MAP3K7: variants seen among roughly 807,000 people sequenced by gnomAD.
MAP3K7 encodes the protein TGF-beta activated kinase 1.
Under a neutral mutation model 84.8 loss-of-function variants are expected in MAP3K7, and 21 were observed. That is an observed-to-expected ratio of 0.25 (90% CI 0.18 to 0.36). The LOEUF is 0.36. Ranked by LOEUF, MAP3K7 falls within the 10% of genes least tolerant of loss-of-function variation. The pLI, the probability that MAP3K7 is intolerant of heterozygous loss-of-function variation, is 1.00. For missense variants in MAP3K7, 503 were observed against 747.7 expected (o/e 0.67, Z 3.82); for synonymous variants, 241 against 247.7 (o/e 0.97, Z 0.25).
chr6:90,546,928 C>G (rs1054797783), intron 11 of MAP3K7, among the ~76,000 whole-genome samples: 7 of 151,892 alleles, frequency 4.6e-5, no homozygotes, highest in African/African-American at 1.7e-4. Flanking sequence ...CACTGAAAAT[C>G]CCCAAAATAT....
At chr6:90,556,650 C>G (rs773288577) in intron 5 of MAP3K7, 26 bp from the exon 6 acceptor site, 1 of 1,567,802 alleles carries the variant, frequency 6.4e-7, no homozygotes, top group Non-Finnish European at 8.6e-7. Context: ...CAAAAAACAT[C>G]AAAAGTTACA....
At chr6:90,527,508 C>T (rs1775360374) in intron 13 of MAP3K7, among the ~76,000 whole-genome samples, 1 of 152,092 alleles carries the variant, frequency 6.6e-6, no homozygotes, top group Non-Finnish European at 1.5e-5. Context: ...CTCAAGCGAT[C>T]CTCCTGCCTC....
At chr6:90,551,881 C>T (rs1236237646) in intron 8 of MAP3K7, 168 bp downstream of exon 8, 2 of 656,004 alleles carry the variant, frequency 3.0e-6, no homozygotes, top group African/African-American at 1.8e-5. Context: ...TTTTCCCTCT[C>T]GAAATGTTTC....
intron 3 of MAP3K7, among the ~76,000 whole-genome samples, chr6:90,564,751 A>G (rs1776646136): frequency 6.6e-6 from 1 of 152,216 alleles, no homozygotes; most frequent in Non-Finnish European, 1.5e-5. Flanking sequence ...CTCCATCCCA[A>G]ATCAACAGAA....
At chr6:90,571,841 A>C in intron 1 of MAP3K7, 34 bp from the exon 2 acceptor site, 1 of 1,238,004 alleles carries the variant, frequency 8.1e-7, no homozygotes, top group Non-Finnish European at 1.1e-6. Context: ...AACAAACAAA[A>C]AACACCACAA....
At chr6:90,529,512 G>C (rs9345028) in intron 13 of MAP3K7, among the ~76,000 whole-genome samples, 4,116 of 152,286 alleles carry the variant, frequency 0.027, 68 homozygotes, top group Middle Eastern at 0.044. Flanking sequence ...GCAGTAAGAA[G>C]TTGGGTGTTG....
Position 90,568,314 on chromosome 6 carries a change from AT to A in MAP3K7, c.297+243del, listed in dbSNP as rs34078119. ...AATGCCACGGTGCTGTATTCTCACT[AT>A]TTAGAGTGTGTTGGTGACATATTGT... is the stretch of plus-strand genomic sequence containing the variant. On this transcript the variant is annotated intron_variant, in intron 3 of 16. Coordinates refer to ENST00000369329, the MANE Select transcript of MAP3K7 (RefSeq NM_145331.3). Among the ~76,000 whole-genome samples, 10,723 of 152,250 alleles carry A rather than the reference AT, an allele frequency of 0.07. 373 individuals carry two copies. The highest frequency in any genetic ancestry group is 0.092 in the South Asian group (445 of 4,816).
chr6:90,526,582 A>AAT (rs1427921387), intron 13 of MAP3K7, among the ~76,000 whole-genome samples: 2 of 151,878 alleles, frequency 1.3e-5, no homozygotes, highest in African/African-American at 2.4e-5. Flanking sequence ...TTTAATTCTA[A>AAT]ATATATATAT....
intron 14 of MAP3K7, among the ~76,000 whole-genome samples, chr6:90,521,398 C>G (rs764047217): frequency 1.2e-4 from 19 of 152,012 alleles, no homozygotes; most frequent in African/African-American, 3.1e-4. Flanking sequence ...ACACTTGTTA[C>G]TATCTCATAT....
At chr6:90,539,157 T>C (rs997065260) in intron 12 of MAP3K7, among the ~76,000 whole-genome samples, 1 of 151,930 alleles carries the variant, frequency 6.6e-6, no homozygotes, top group Non-Finnish European at 1.5e-5. Flanking sequence ...CAAAGTTTCG[T>C]ATTTCTTTAC....
chr6:90,526,518 G>A (rs973053576), intron 13 of MAP3K7, among the ~76,000 whole-genome samples: 3 of 151,940 alleles, frequency 2.0e-5, no homozygotes, highest in Non-Finnish European at 4.4e-5. Flanking sequence ...GACTTTTAAC[G>A]TGAATCATGC....
intron 14 of MAP3K7, 76 bp downstream of exon 14, chr6:90,523,599 CATT>C: frequency 1.1e-6 from 1 of 907,960 alleles, no homozygotes. Flanking sequence ...CCTTTGTAAA[CATT>C]AGAGTAATGA....
chr6:90,535,051 G>C (rs1355067969), intron 13 of MAP3K7, among the ~76,000 whole-genome samples: 1 of 151,984 alleles, frequency 6.6e-6, no homozygotes, highest in Non-Finnish European at 1.5e-5. Context: ...ATGAAATCAA[G>C]ATTTAGAGTC....
At chr6:90,578,614 A>C (rs1457330375) in intron 1 of MAP3K7, among the ~76,000 whole-genome samples, 1 of 152,188 alleles carries the variant, frequency 6.6e-6, no homozygotes, top group Non-Finnish European at 1.5e-5. Context: ...AAAGAGTATA[A>C]GCATATATCC....
At position 90,538,724 on chromosome 6, in the gene MAP3K7, T is replaced by C. The variant is rs112159530; in HGVS notation, c.1292-2323A>G. ...TAATGTCATTAAAACAGAGCCCCTCTTCAAAAAAGCTGCTCTTTTAAGTAC... is the reference window on the plus strand; with the variant it reads ...TAATGTCATTAAAACAGAGCCCCTCCTCAAAAAAGCTGCTCTTTTAAGTAC... On this transcript the variant is annotated intron_variant, in intron 12 of 16. Transcript: ENST00000369329. Among the ~76,000 whole-genome samples, 157 of 152,012 alleles carry C rather than the reference T, an allele frequency of 1.0e-3. 1 individual carries two copies. The highest frequency in any genetic ancestry group is 3.4e-3 in the African/African-American group (143 of 41,528).
chr6:90,561,094 C>T (rs2127979110), intron 4 of MAP3K7, among the ~76,000 whole-genome samples: 1 of 152,010 alleles, frequency 6.6e-6, no homozygotes, highest in East Asian at 1.9e-4. Context: ...TTTTATATAA[C>T]TGGTGCTACA....
At chr6:90,543,327 A>G (rs1385790114) in intron 12 of MAP3K7, among the ~76,000 whole-genome samples, 4 of 152,104 alleles carry the variant, frequency 2.6e-5, no homozygotes, top group African/African-American at 9.7e-5. Flanking sequence ...GAAAATTAAT[A>G]TAAGATAGTT....
At chr6:90,569,499 T>C (rs1019961544) in intron 2 of MAP3K7, among the ~76,000 whole-genome samples, 2 of 142,924 alleles carry the variant, frequency 1.4e-5, no homozygotes, top group Non-Finnish European at 3.2e-5. Context: ...TTCTTTCTTT[T>C]GAGACAGGTT....
intron 14 of MAP3K7, among the ~76,000 whole-genome samples, chr6:90,520,012 G>A (rs1439889410): frequency 6.6e-6 from 1 of 152,034 alleles, no homozygotes; most frequent in East Asian, 1.9e-4. Context: ...TATTTGAATA[G>A]AATGCTTTTG....
Sources: allele counts gnomAD v4.1 joint callset (sites outside exome capture counted in the v4.1 genomes callset), GRCh38; gene constraint gnomAD v4.1.1; transcripts MANE v1.5; gene names NCBI Gene and HGNC (gene_info 2026-07-23, HGNC 2026-07-21).